CCL4L2: variants seen among roughly 807,000 people sequenced by gnomAD.
CCL4L2 encodes C-C motif chemokine 4-like.
In CCL4L2, 3 loss-of-function variants were observed where a neutral mutation model predicts 5.9. The observed-to-expected ratio is 0.51, with a 90% CI of 0.23 to 1.32. The LOEUF is 1.32. Among genes scored for constraint, CCL4L2 ranks in the 40% most tolerant of loss-of-function variants. The pLI, the probability that CCL4L2 is intolerant of heterozygous loss-of-function variation, is 0.18. For missense variants in CCL4L2, 74 were observed against 121.2 expected, an observed-to-expected ratio of 0.61 and a Z score of 1.83; for synonymous variants, 36 against 47.6, an observed-to-expected ratio of 0.76 and a Z score of 1.00.
At position 36,212,873 on chromosome 17, in the gene CCL4L2, A is replaced by C. The variant is rs1236144323; in HGVS notation, c.*450A>C. On this transcript the variant is annotated 3_prime_UTR_variant, in exon 3 of 3. Transcript: ENST00000617405. ...AATAAAACTTTAAAATAAAATGCAA[A>C]CAGTTTCTTTGTGATTTTAATTTGA... 1 of 476,262 alleles carries C rather than the reference A, an allele frequency of 2.1e-6. No individual in the cohort carries two copies. Among genetic ancestry groups the C allele is most frequent in the African/African-American group, 1.9e-5 (1 of 53,836 alleles). The allele number at this position is 476,262 out of a possible 1,614,324, so 29.5% of individuals were successfully genotyped here.
At chr17:36,211,399 T>G in intron 1 of CCL4L2, 182 bp downstream of exon 1, 1 of 916,894 alleles carries the variant, frequency 1.1e-6, no homozygotes, top group South Asian at 1.3e-5. Flanking sequence ...GTTCCTATTT[T>G]CTTAAGAATT....
Position 36,211,902 on chromosome 17 carries a change from C to T in CCL4L2, c.191+12C>T, listed in dbSNP as rs1308343384. On this transcript the variant is annotated intron_variant, in intron 2 of 2. Coordinates refer to ENST00000617405, the MANE Select transcript of CCL4L2 (RefSeq NM_001291475.2). ...CAGCCAGCTGTGGTGTGAGTATCAACCCCTGGCTGCCCTGGGAGGCAAGGG... is the reference window on the plus strand; with the variant it reads ...CAGCCAGCTGTGGTGTGAGTATCAATCCCTGGCTGCCCTGGGAGGCAAGGG... 36 of 1,577,492 alleles carry T rather than the reference C, an allele frequency of 2.3e-5. 5 individuals carry two copies. The highest frequency in any genetic ancestry group is 1.5e-4 in the Admixed American group (9 of 59,010).
rs560995674 is a variant in CCL4L2 at position 36,212,845 on chromosome 17, C to T, written c.*422C>T. 181 of 503,166 alleles carry T rather than the reference C, an allele frequency of 3.6e-4. No homozygotes were observed. The South Asian group carries it at 4.4e-3, about 12-fold the overall frequency. 31.2% of individuals were successfully genotyped at this position (503,166 alleles called of 1,614,324 possible). On this transcript the variant is annotated 3_prime_UTR_variant, in exon 3 of 3. Coordinates refer to ENST00000617405, the MANE Select transcript of CCL4L2 (RefSeq NM_001291475.2). Reference sequence around the variant, plus strand: ...TAACACCGTTAATTCCATGTGTTTTCATAATAAAACTTTAAAATAAAATGC... The same window carrying T: ...TAACACCGTTAATTCCATGTGTTTTTATAATAAAACTTTAAAATAAAATGC...
At position 36,212,631 on chromosome 17, in the gene CCL4L2, C is replaced by A. The variant is rs878936100; in HGVS notation, c.*208C>A. The stretch of plus-strand genomic sequence containing the variant: ...CTGAGCCTGGATGCTTCTCCATGAG[C>A]CGCATCTCCTCCATACTCAGGACTC... On this transcript the variant is annotated 3_prime_UTR_variant, in exon 3 of 3. Coordinates refer to ENST00000617405, the MANE Select transcript of CCL4L2 (RefSeq NM_001291475.2). The A allele has an allele frequency of 2.4e-4, 369 of 1,528,078 alleles. 34 individuals are homozygous for A. The South Asian group carries it at 3.4e-3, about 14-fold the overall frequency. 94.7% of individuals were successfully genotyped at this position (1,528,078 alleles called of 1,614,324 possible). A position where few individuals can be genotyped will look rare whatever the true frequency, so the allele number is the denominator to read the frequency against.
At chr17:36,211,740 G>C in intron 1 of CCL4L2, 36 bp from the exon 2 acceptor site, 6 of 1,560,852 alleles carry the variant, frequency 3.8e-6, no homozygotes. Context: ...CAGCTCCCAT[G>C]GGCAGTGTTG....
In CCL4L2 at chr17:36,212,596, G is replaced by A. The variant is rs2068809757; in HGVS notation, c.*173G>A. The A allele has an allele frequency of 2.5e-6, 4 of 1,579,912 alleles. No homozygotes were observed. Among genetic ancestry groups the A allele is most frequent in the African/African-American group, 2.7e-5 (2 of 74,736 alleles). On this transcript the variant is annotated 3_prime_UTR_variant, in exon 3 of 3. Transcript: ENST00000617405. ...CTGCTCAGAGACAGGAAGTCTTCAG[G>A]GAAGGTCACCTGAGCCTGGATGCTT...
rs565571880 is a variant in CCL4L2 at position 36,212,473 on chromosome 17, G to A, written c.*50G>A. ...TGGGATTCTAATCTGTCTGCTCCTTGTTCTACGGATTCCAAACCAAAAGAG... is the reference window on the plus strand; with the variant it reads ...TGGGATTCTAATCTGTCTGCTCCTTATTCTACGGATTCCAAACCAAAAGAG... On this transcript the variant is annotated 3_prime_UTR_variant, in exon 3 of 3. Coordinates refer to ENST00000617405, the MANE Select transcript of CCL4L2 (RefSeq NM_001291475.2). The A allele has an allele frequency of 1.3e-6, 2 of 1,581,270 alleles. No homozygotes were observed. Among genetic ancestry groups the A allele is most frequent in the South Asian group, 1.1e-5 (1 of 89,124 alleles).
intron 2 of CCL4L2, chr17:36,212,241 C>G (rs1431943838): frequency 8.3e-6 from 6 of 722,214 alleles, no homozygotes; most frequent in African/African-American, 1.7e-5. Flanking sequence ...TCTATTCATA[C>G]TGATTGCAAT....
At position 36,212,513 on chromosome 17, in the gene CCL4L2, G is replaced by A. The variant is rs150884257; in HGVS notation, c.*90G>A. 77 of 1,581,056 alleles carry A rather than the reference G, an allele frequency of 4.9e-5. 2 individuals carry two copies. In the African/African-American group the frequency reaches 5.8e-4, roughly 12 times the overall value. On this transcript the variant is annotated 3_prime_UTR_variant, in exon 3 of 3. Coordinates refer to ENST00000617405, the MANE Select transcript of CCL4L2 (RefSeq NM_001291475.2). Reference sequence around the variant, plus strand: ...AACCAAAAGAGGCAAGCAAGTCTGCGCTGACCCCAGTGAGTCCTGGGTCCA... The same window carrying A: ...AACCAAAAGAGGCAAGCAAGTCTGCACTGACCCCAGTGAGTCCTGGGTCCA...
intron 2 of CCL4L2, 66 bp downstream of exon 2, chr17:36,211,956 T>A: frequency 6.6e-7 from 1 of 1,509,740 alleles, no homozygotes; most frequent in African/African-American, 1.3e-5. Flanking sequence ...AGGGGGCCTG[T>A]TTTGGGGAGG....
intron 2 of CCL4L2, chr17:36,212,162 C>T: frequency 2.9e-6 from 2 of 697,636 alleles, no homozygotes; most frequent in Admixed American, 2.0e-5. Flanking sequence ...GAGATATGGA[C>T]CAATTCCTTA....
At chr17:36,212,196 A>C in intron 2 of CCL4L2, 1 of 704,686 alleles carries the variant, frequency 1.4e-6, no homozygotes, top group African/African-American at 1.7e-5. Flanking sequence ...AAACATGTGG[A>C]AAAGTCACTA....
Position 36,211,951 on chromosome 17 carries a change from G to A in CCL4L2, c.191+61G>A, listed in dbSNP as rs1398157705. ...GGTGAGGGCTGGATTTTTAAAGGGG[G>A]CCTGTTTTGGGGAGGGGGTGATGAG... is the stretch of plus-strand genomic sequence containing the variant. On this transcript the variant is annotated intron_variant, in intron 2 of 2. Coordinates refer to ENST00000617405, the MANE Select transcript of CCL4L2 (RefSeq NM_001291475.2). The A allele has an allele frequency of 2.6e-6, 4 of 1,525,568 alleles. 1 individual carries two copies. The Admixed American group carries it at 5.1e-5, about 20-fold the overall frequency. The allele number at this position is 1,525,568 out of a possible 1,614,324, so 94.5% of individuals were successfully genotyped here.
Position 36,212,492 on chromosome 17 carries a change from A to G in CCL4L2, c.*69A>G. On this transcript the variant is annotated 3_prime_UTR_variant, in exon 3 of 3. Coordinates refer to ENST00000617405, the MANE Select transcript of CCL4L2 (RefSeq NM_001291475.2). The stretch of plus-strand genomic sequence containing the variant: ...CTCCTTGTTCTACGGATTCCAAACC[A>G]AAAGAGGCAAGCAAGTCTGCGCTGA... 1.3e-6 allele frequency: 2 copies of G among 1,581,366 alleles called. 1 individual carries two copies. The highest frequency in any genetic ancestry group is 1.7e-6 in the Non-Finnish European group (2 of 1,156,486).
At position 36,211,166 on chromosome 17, in the gene CCL4L2, T is replaced by C; in HGVS notation, c.25T>C (p.Ser9Pro). 2 of 1,581,732 alleles carry C rather than the reference T, an allele frequency of 1.3e-6. No individual in the cohort carries two copies. The highest frequency in any genetic ancestry group is 1.7e-6 in the Non-Finnish European group (2 of 1,156,770). ...CATGAAGCTCTGCGTGACTGTCCTG[T>C]CTCTCCTCGTGCTAGTAGCTGCCTT... Residue 9 changes from serine to proline, a missense_variant, in exon 1 of 3, where the codon TCT becomes CCT. Transcript: ENST00000617405.
In CCL4L2 at chr17:36,211,772, TC is replaced by T. The variant is rs1184423639; in HGVS notation, c.77-3del. On this transcript the variant is annotated splice_region_variant and splice_polypyrimidine_tract_variant and intron_variant, in intron 1 of 2. Coordinates refer to ENST00000617405, the MANE Select transcript of CCL4L2 (RefSeq NM_001291475.2). ...GTTGATCTCACCCTGGCCTTTCCTT[TC>T]AGTGGGCTCAGACCCTCCCACCGCC... The T allele has an allele frequency of 6.4e-7, 1 of 1,574,500 alleles. No homozygotes were observed. The highest frequency in any genetic ancestry group is 1.7e-5 in the Admixed American group (1 of 59,016).
At position 36,211,181 on chromosome 17, in the gene CCL4L2, G is replaced by A; in HGVS notation, c.40G>A (p.Val14Ile). ...GACTGTCCTGTCTCTCCTCGTGCTA[G>A]TAGCTGCCTTCTGCTCTCTAGCACT... The change falls in exon 1 of 3, where the codon GTA (valine) becomes ATA (isoleucine). Residue 14 changes from valine to isoleucine, a missense_variant. Val to Ile is a conservative substitution (Grantham distance 29). Coordinates refer to ENST00000617405, the MANE Select transcript of CCL4L2 (RefSeq NM_001291475.2). The A allele has an allele frequency of 6.3e-7, 1 of 1,581,764 alleles. No homozygotes were observed. The highest frequency in any genetic ancestry group is 8.6e-7 in the Non-Finnish European group (1 of 1,156,790).
In CCL4L2 at chr17:36,211,073, A is replaced by T; in HGVS notation, c.-69A>T. ...TCCCAACTCAGTATCAGCACAGGAC[A>T]CAGCTAGGTTCTGAAGCTTCTGAGT... On this transcript the variant is annotated 5_prime_UTR_variant, in exon 1 of 3. Transcript: ENST00000617405. The T allele has an allele frequency of 6.5e-7, 1 of 1,528,822 alleles. No individual in the cohort carries two copies. Among genetic ancestry groups the T allele is most frequent in the Non-Finnish European group, 9.0e-7 (1 of 1,108,358 alleles). The allele number at this position is 1,528,822 out of a possible 1,614,324, so 94.7% of individuals were successfully genotyped here.
At position 36,211,830 on chromosome 17, in the gene CCL4L2, C is replaced by T. The variant is rs953642303; in HGVS notation, c.131C>T (p.Pro44Leu). The change falls in exon 2 of 3, where the codon CCT becomes CTT. Residue 44 changes from proline (P) to leucine (L), a missense_variant. Coordinates refer to ENST00000617405, the MANE Select transcript of CCL4L2 (RefSeq NM_001291475.2). ...TTTTCTTACACCGCGAGGAAGCTTC[C>T]TCGCAACTTTGTGGTAGATTACTAT... 3.8e-6 allele frequency: 6 copies of T among 1,579,922 alleles called. No individual in the cohort carries two copies. The highest frequency in any genetic ancestry group is 2.7e-5 in the African/African-American group (2 of 74,810).
Sources: allele counts gnomAD v4.1 joint callset, GRCh38; gene constraint gnomAD v4.1.1; transcripts MANE v1.5; gene names NCBI Gene and HGNC (gene_info 2026-07-23, HGNC 2026-07-21).